Variants in CFAP97D2 observed in about 807,000 individuals in gnomAD.
The protein encoded by CFAP97D2 is CFAP97 domain containing 2.
In CFAP97D2 at chr13:114,189,025, T is replaced by C. The variant is rs1411400595; in HGVS notation, c.91-7371T>C. Among the ~76,000 whole-genome samples the C allele has an allele frequency of 6.7e-6, 1 of 149,112 alleles. No homozygotes were observed. Among genetic ancestry groups the C allele is most frequent in the Non-Finnish European group, 1.5e-5 (1 of 67,438 alleles). On this transcript the variant is annotated intron_variant, in intron 1 of 4. Transcript: ENST00000646158. The surrounding 1 kb of genome is among the most constrained non-coding windows in gnomAD (Gnocchi z 4.5). ...ATTACTAATATTTTGCTATTATTAGTAATATTATTACTTATATTACTAGTA... is the reference window on the plus strand; with the variant it reads ...ATTACTAATATTTTGCTATTATTAGCAATATTATTACTTATATTACTAGTA...
At chr13:114,208,752 C>T (rs998453418) in intron 3 of CFAP97D2, among the ~76,000 whole-genome samples, 13 of 152,294 alleles carry the variant, frequency 8.5e-5, no homozygotes, top group Admixed American at 5.9e-4. Flanking sequence ...GTTTTCTGGA[C>T]TATGTGCCAA....
chr13:114,188,293 C>T (rs1014632585), intron 1 of CFAP97D2, among the ~76,000 whole-genome samples: 19 of 147,820 alleles, frequency 1.3e-4, no homozygotes, highest in African/African-American at 4.5e-4. Context: ...AAAAAAATCA[C>T]ATAGGTCAAA....
intron 1 of CFAP97D2, among the ~76,000 whole-genome samples, chr13:114,181,977 A>AG (rs1385684587): frequency 6.6e-6 from 1 of 152,180 alleles, no homozygotes; most frequent in Non-Finnish European, 1.5e-5. Flanking sequence ...AGACTGAGAA[A>AG]AGAAATAAGA....
At chr13:114,216,384 T>G (rs1446006294) in intron 4 of CFAP97D2, among the ~76,000 whole-genome samples, 1 of 152,160 alleles carries the variant, frequency 6.6e-6, no homozygotes, top group East Asian at 1.9e-4. Flanking sequence ...TTGGTGTGCC[T>G]CACCCACTAA....
At chr13:114,182,003 T>C (rs1046506881) in intron 1 of CFAP97D2, among the ~76,000 whole-genome samples, 3 of 152,032 alleles carry the variant, frequency 2.0e-5, no homozygotes, top group Non-Finnish European at 2.9e-5. Context: ...AGACAAAGTA[T>C]AGAGAAATAA....
rs527571422 is a variant in CFAP97D2 at position 114,211,167 on chromosome 13, T to C, written c.291-745T>C. Among the ~76,000 whole-genome samples, 1 of 152,226 alleles carries C rather than the reference T, an allele frequency of 6.6e-6. No individual in the cohort carries two copies. The highest frequency in any genetic ancestry group is 6.5e-5 in the Admixed American group (1 of 15,302). On this transcript the variant is annotated intron_variant, in intron 3 of 4. Coordinates refer to ENST00000646158, the Ensembl canonical transcript of CFAP97D2. This position sits in a 1 kb window ranked among gnomAD's most constrained non-coding sequence, Gnocchi z 4.2. Reference sequence around the variant, plus strand: ...TTCTTTACTTCGTGCTCCTCTGTGCTCCACAGCCAGGGTCAAACCCCTACT... The same window carrying C: ...TTCTTTACTTCGTGCTCCTCTGTGCCCCACAGCCAGGGTCAAACCCCTACT...
chr13:114,180,172 G>T (rs761502123), intron 1 of CFAP97D2, among the ~76,000 whole-genome samples: 2 of 152,228 alleles, frequency 1.3e-5, no homozygotes, highest in Admixed American at 1.3e-4. Flanking sequence ...GTCTCCACAT[G>T]TGTGTTGATC....
At chr13:114,182,053 C>A (rs1027134647) in intron 1 of CFAP97D2, among the ~76,000 whole-genome samples, 7 of 152,088 alleles carry the variant, frequency 4.6e-5, no homozygotes, top group African/African-American at 1.7e-4. Context: ...TACCAAGGAC[C>A]TGCACCAGCA....
In CFAP97D2 at chr13:114,209,499, G is replaced by A. The variant is rs12429881; in HGVS notation, c.291-2413G>A. On this transcript the variant is annotated intron_variant, in intron 3 of 4. Transcript: ENST00000646158. The stretch of plus-strand genomic sequence containing the variant: ...ATGTGAAAAGAAATCTAGAGTGTTC[G>A]TGTAGGCCTAGCTCTTACTCAGCTT... Among the ~76,000 whole-genome samples the A allele has an allele frequency of 2.0e-3, 305 of 152,302 alleles. 5 individuals carry two copies. Among genetic ancestry groups the A allele is most frequent in the Admixed American group, 0.017 (262 of 15,300 alleles).
intron 1 of CFAP97D2, among the ~76,000 whole-genome samples, chr13:114,190,820 T>C (rs2080866802): frequency 1.3e-5 from 2 of 152,196 alleles, no homozygotes; most frequent in South Asian, 4.1e-4. Flanking sequence ...GAAAAGCCAA[T>C]TTAATATTGA....
chr13:114,182,235 G>A lies in CFAP97D2; in HGVS notation c.90+2815G>A, dbSNP rs570783885. On this transcript the variant is annotated intron_variant, in intron 1 of 4. Coordinates refer to ENST00000646158, the Ensembl canonical transcript of CFAP97D2. Reference sequence around the variant, plus strand: ...GAAGGTACTATGCCTGGATGTGCACGTAGGCCAGATTTATGTTTCTCTCCG... The same window carrying A: ...GAAGGTACTATGCCTGGATGTGCACATAGGCCAGATTTATGTTTCTCTCCG... 3.4e-3 allele frequency among the ~76,000 whole-genome samples: 519 copies of A among 151,136 alleles called. 8 individuals are homozygous for A. The highest frequency in any genetic ancestry group is 8.2e-3 in the African/African-American group (336 of 41,090).
chr13:114,212,174 C>T, intron 4 of CFAP97D2: 1 of 398,066 alleles, frequency 2.5e-6, no homozygotes, highest in Non-Finnish European at 4.4e-6. Flanking sequence ...TCAGATTCAT[C>T]AGAATTATGT....
intron 4 of CFAP97D2, among the ~76,000 whole-genome samples, chr13:114,213,954 A>T (rs2080982573): frequency 7.2e-6 from 1 of 138,680 alleles, no homozygotes; most frequent in Non-Finnish European, 1.5e-5. Context: ...ACCCCTATGG[A>T]AGCTCCAGGA....
chr13:114,196,824 AC>A (rs1830259717), intron 2 of CFAP97D2, among the ~76,000 whole-genome samples: 1 of 152,188 alleles, frequency 6.6e-6, no homozygotes, highest in African/African-American at 2.4e-5. Flanking sequence ...TTGGTTTTAT[AC>A]ATTTTAGGGA....
chr13:114,221,160 T>A (rs1312806087), intron 4 of CFAP97D2, among the ~76,000 whole-genome samples: 1 of 152,144 alleles, frequency 6.6e-6, no homozygotes, highest in Non-Finnish European at 1.5e-5. Flanking sequence ...GGCAGGAGGA[T>A]CGCTTGAACC....
intron 4 of CFAP97D2, among the ~76,000 whole-genome samples, chr13:114,213,893 TC>T (rs1240204682): frequency 1.1e-5 from 1 of 92,470 alleles, no homozygotes; most frequent in African/African-American, 4.6e-5. Flanking sequence ...CTATGGAAGC[TC>T]CAGGACCACA....
At chr13:114,222,954 T>C (rs373935506), downstream of CFAP97D2, 199 of 162,370 alleles carry the variant, frequency 1.2e-3, no homozygotes, top group African/African-American at 4.6e-3. The surrounding 1 kb of genome is among the most constrained non-coding windows in gnomAD (Gnocchi z 4.4). Flanking sequence ...ATTCTGTTAC[T>C]GTATTTTGAG....
intron 3 of CFAP97D2, among the ~76,000 whole-genome samples, chr13:114,204,756 A>G (rs1485608153): frequency 6.6e-6 from 1 of 152,238 alleles, no homozygotes; most frequent in East Asian, 1.9e-4. Flanking sequence ...AATCATCGTG[A>G]CTTCAGATTT....
rs1447139702 is a variant in CFAP97D2, at chr13:114,203,699, C to T, written c.290+3256C>T. On this transcript the variant is annotated intron_variant, in intron 3 of 4. Coordinates refer to ENST00000646158, the Ensembl canonical transcript of CFAP97D2. The surrounding 1 kb of genome is among the most constrained non-coding windows in gnomAD (Gnocchi z 4.3). ...ACAAATGGAATCCCAGGCCACCACA[C>T]AGGAACTGAAGAGGCCAGGCTCCTC... is the stretch of plus-strand genomic sequence containing the variant. 6.6e-6 allele frequency among the ~76,000 whole-genome samples: 1 copy of T among 152,226 alleles called. No homozygotes were observed. The highest frequency in any genetic ancestry group is 1.5e-5 in the Non-Finnish European group (1 of 68,038).
Sources: allele counts gnomAD v4.1 joint callset (sites outside exome capture counted in the v4.1 genomes callset), GRCh38; gene constraint gnomAD v4.1.1; non-coding constraint Gnocchi (gnomAD v3.1); transcripts MANE v1.5; gene names NCBI Gene and HGNC (gene_info 2026-07-23, HGNC 2026-07-21).